SPATA13: variants seen among roughly 807,000 people sequenced by gnomAD.
SPATA13 encodes the protein spermatogenesis-associated protein 13.
SPATA13 carries 50 observed loss-of-function variants against 104.0 expected under a neutral mutation model. The ratio of observed to expected loss-of-function variants is 0.48; its 90% CI spans 0.38 to 0.61. The LOEUF (loss-of-function observed/expected upper bound fraction) is 0.61. Ranked by LOEUF, SPATA13 falls within the 20% of genes least tolerant of loss-of-function variation. SPATA13 has a pLI of 0.00. For synonymous variants in SPATA13, 606 were observed against 667.5 expected (o/e 0.91, Z 1.42); for missense variants, 1,524 against 1,690.6 (o/e 0.90, Z 1.73).
intron 9 of SPATA13, among the ~76,000 whole-genome samples, chr13:24,294,451 A>C (rs1876612716): frequency 6.6e-6 from 1 of 152,238 alleles, no homozygotes; most frequent in Non-Finnish European, 1.5e-5. Flanking sequence ...CCGTGACTAA[A>C]ACTTACTTAT....
At chr13:24,094,109 G>A (rs1317195804) in intron 3 of SPATA13, among the ~76,000 whole-genome samples, 3 of 152,202 alleles carry the variant, frequency 2.0e-5, no homozygotes, top group Admixed American at 6.5e-5. Flanking sequence ...AGATTTGGGA[G>A]AAGAGCATGA....
At chr13:24,247,021 T>C (rs1460834577) in intron 2 of SPATA13, among the ~76,000 whole-genome samples, 1 of 152,150 alleles carries the variant, frequency 6.6e-6, no homozygotes, top group East Asian at 1.9e-4. Context: ...TCTGTTTGGG[T>C]GTGGATTCCC....
chr13:24,128,083 C>G (rs976509604), intron 3 of SPATA13, among the ~76,000 whole-genome samples: 2 of 152,190 alleles, frequency 1.3e-5, no homozygotes, highest in South Asian at 4.1e-4. Flanking sequence ...AGGGAAGGCT[C>G]TGGATGGACT....
At chr13:24,109,791 T>C (rs1880577255) in intron 3 of SPATA13, among the ~76,000 whole-genome samples, 1 of 152,092 alleles carries the variant, frequency 6.6e-6, no homozygotes, top group Non-Finnish European at 1.5e-5. Flanking sequence ...TTTGTACATT[T>C]TACTCTGGTA....
chr13:24,019,060 C>G (rs17079762), intron 3 of SPATA13, among the ~76,000 whole-genome samples: 4,153 of 150,882 alleles, frequency 0.028, 195 homozygotes, highest in African/African-American at 0.095. Context: ...GAAGGGGCTC[C>G]TAAGTTATAT....
rs148818951 is a variant in SPATA13, at chr13:24,030,047, AACAC to A, written c.-112+12361_-112+12364del. Among the ~76,000 whole-genome samples the A allele has an allele frequency of 4.1e-3, 592 of 144,204 alleles. 6 individuals carry two copies. The highest frequency in any genetic ancestry group is 9.7e-3 in the South Asian group (42 of 4,336). 94.6% of individuals were successfully genotyped at this position (144,204 alleles called of 152,430 possible). On this transcript the variant is annotated intron_variant, in intron 3 of 14. Coordinates refer to the SPATA13 transcript ENST00000424834. ...TCTCATATATGCCCTACCTTCTCCT[AACAC>A]ACACACACACACACGCACACACACA...
intron 3 of SPATA13, among the ~76,000 whole-genome samples, chr13:24,098,619 A>AAGAAAAG (rs1555261420): frequency 6.8e-6 from 1 of 147,102 alleles, no homozygotes; most frequent in Admixed American, 6.8e-5. Flanking sequence ...GAAGAAGAAG[A>AAGAAAAG]AAAGAAAGAA....
chr13:24,300,760 T>C (rs1030555769), intron 12 of SPATA13, among the ~76,000 whole-genome samples: 10 of 152,144 alleles, frequency 6.6e-5, no homozygotes, highest in Middle Eastern at 3.4e-3. Context: ...TCTGCTCCCC[T>C]CCCCCAAGTG....
At chr13:24,191,998 A>T (rs2138552704) in intron 1 of SPATA13, among the ~76,000 whole-genome samples, 1 of 152,294 alleles carries the variant, frequency 6.6e-6, no homozygotes, top group African/African-American at 2.4e-5. Context: ...ACAAAAAAGA[A>T]AAATACACGG....
intron 1 of SPATA13, among the ~76,000 whole-genome samples, chr13:24,183,606 T>C (rs1470176956): frequency 4.6e-4 from 2 of 4,310 alleles, no homozygotes; most frequent in Admixed American, 7.5e-3. Flanking sequence ...TTTCTTTACA[T>C]TTTTTTTTTT....
intron 7 of SPATA13, 117 bp from the exon 8 acceptor site, chr13:24,288,882 A>G (rs1876139486): frequency 7.1e-6 from 6 of 848,926 alleles, no homozygotes; most frequent in Non-Finnish European, 1.1e-5. Context: ...AGAGACTCAT[A>G]GAGTCTTTTT....
intron 3 of SPATA13, among the ~76,000 whole-genome samples, chr13:24,055,892 C>T (rs1367482382): frequency 1.3e-5 from 2 of 152,232 alleles, no homozygotes; most frequent in Non-Finnish European, 2.9e-5. Flanking sequence ...AGTGACCACG[C>T]TACATTAGAC....
intron 2 of SPATA13, among the ~76,000 whole-genome samples, chr13:24,247,981 C>T (rs1254785441): frequency 6.6e-6 from 1 of 152,224 alleles, no homozygotes; most frequent in African/African-American, 2.4e-5. Flanking sequence ...GGGACTCCTG[C>T]AGTCATAGTC....
At chr13:24,031,595 A>G (rs1038532053) in intron 3 of SPATA13, among the ~76,000 whole-genome samples, 1 of 152,224 alleles carries the variant, frequency 6.6e-6, no homozygotes, top group African/African-American at 2.4e-5. Flanking sequence ...ATTTTTAATA[A>G]CTGAGATTTC....
At chr13:24,245,283 T>TA (rs60387853) in intron 2 of SPATA13, among the ~76,000 whole-genome samples, 113 of 143,444 alleles carry the variant, frequency 7.9e-4, no homozygotes, top group African/African-American at 1.4e-3. Flanking sequence ...AAACTTTGCT[T>TA]AAAAAAAAAA....
At chr13:24,180,026 C>T (rs1398578406) in intron 1 of SPATA13, among the ~76,000 whole-genome samples, 1 of 152,012 alleles carries the variant, frequency 6.6e-6, no homozygotes, top group Non-Finnish European at 1.5e-5. Flanking sequence ...AATCATTTAG[C>T]TATTTGTTTT....
chr13:24,065,305 T>A (rs538934810), intron 3 of SPATA13, among the ~76,000 whole-genome samples: 1 of 152,220 alleles, frequency 6.6e-6, no homozygotes, highest in Admixed American at 6.5e-5. Context: ...GTGGGGGTTT[T>A]GATGTGTGTG....
intron 1 of SPATA13, among the ~76,000 whole-genome samples, chr13:24,184,281 C>T (rs1869007981): frequency 6.6e-6 from 1 of 152,118 alleles, no homozygotes; most frequent in Admixed American, 6.5e-5. Context: ...TTTGGTTTTG[C>T]CCTGAACCCA....
intron 2 of SPATA13, among the ~76,000 whole-genome samples, chr13:24,008,234 G>A (rs1876317134): frequency 1.3e-5 from 2 of 152,342 alleles, no homozygotes; most frequent in Admixed American, 1.3e-4. Context: ...GATCAGACCA[G>A]GTTATCTGTA....
Sources: gnomAD v4.1 joint callset for allele counts (sites outside exome capture counted in the v4.1 genomes callset) on GRCh38, gnomAD v4.1.1 for gene constraint, MANE v1.5 for transcripts, NCBI Gene and HGNC (gene_info 2026-07-23, HGNC 2026-07-21) for gene names.